Variants in DCC observed in about 807,000 individuals in gnomAD.
DCC encodes the protein netrin receptor DCC.
Under a neutral mutation model 172.5 loss-of-function variants are expected in DCC, and 58 were observed. That is an observed-to-expected ratio of 0.34 (90% CI 0.27 to 0.42). DCC has a LOEUF of 0.42. Among genes scored for constraint, DCC ranks in the 10% least tolerant of loss-of-function variants. DCC has a pLI of 1.00. For missense variants in DCC, 1,740 were observed against 1,791.0 expected (o/e 0.97, Z 0.51); for synonymous variants, 709 against 644.5 (o/e 1.10, Z -1.52).
At chr18:53,144,190 T>G (rs2043871834) in intron 7 of DCC, among the ~76,000 whole-genome samples, 1 of 152,234 alleles carries the variant, frequency 6.6e-6, no homozygotes, top group Non-Finnish European at 1.5e-5. Flanking sequence ...GTCATTCATA[T>G]TTCCATCTCC....
At chr18:53,440,319 T>G (rs1912191936) in intron 22 of DCC, among the ~76,000 whole-genome samples, 1 of 152,200 alleles carries the variant, frequency 6.6e-6, no homozygotes, top group Non-Finnish European at 1.5e-5. Context: ...AACCTCATAA[T>G]AGTATTTTAT....
Position 53,321,917 on chromosome 18 carries a change from A to G in DCC, c.2054-130A>G, listed in dbSNP as rs866764160. 9.5e-6 allele frequency: 7 copies of G among 735,192 alleles called. No homozygotes were observed. In the Middle Eastern group the frequency reaches 2.0e-3, roughly 212 times the overall value. 45.5% of individuals were successfully genotyped at this position (735,192 alleles called of 1,614,324 possible). ...TACCCTTTTAGTCAAAATAATCATT[A>G]CCACAACAGTCACAAACAATGTAAA... is the stretch of plus-strand genomic sequence containing the variant. On this transcript the variant is annotated intron_variant, in intron 13 of 28. Transcript: ENST00000442544.
chr18:52,915,617 T>A (rs189572424), intron 3 of DCC, among the ~76,000 whole-genome samples: 1 of 152,272 alleles, frequency 6.6e-6, no homozygotes, highest in East Asian at 1.9e-4. Context: ...AATAAATGTG[T>A]CAGGTTATAT....
chr18:53,162,939 T>A (rs4245256), intron 8 of DCC, among the ~76,000 whole-genome samples: 1 of 152,124 alleles, frequency 6.6e-6, no homozygotes, highest in African/African-American at 2.4e-5. Context: ...ACATTATAGA[T>A]ACTCACTAAA....
chr18:52,605,082 T>C (rs1371162573), intron 1 of DCC, among the ~76,000 whole-genome samples: 1 of 152,118 alleles, frequency 6.6e-6, no homozygotes, highest in Non-Finnish European at 1.5e-5. Flanking sequence ...TCATGGTCAC[T>C]GACTTGTCAG....
At chr18:52,366,927 G>A (rs1013924803) in intron 1 of DCC, among the ~76,000 whole-genome samples, 4 of 152,238 alleles carry the variant, frequency 2.6e-5, no homozygotes, top group African/African-American at 9.6e-5. Flanking sequence ...TTGGGTGGTC[G>A]ATGGGACTGG....
chr18:53,277,142 C>T (rs969941047), intron 12 of DCC, among the ~76,000 whole-genome samples: 2 of 152,048 alleles, frequency 1.3e-5, no homozygotes, highest in African/African-American at 4.8e-5. Flanking sequence ...ATTTTAATTT[C>T]TCTAAGATTA....
chr18:52,595,594 C>G (rs754362762), intron 1 of DCC, among the ~76,000 whole-genome samples: 10 of 152,314 alleles, frequency 6.6e-5, no homozygotes, highest in South Asian at 2.1e-4. Flanking sequence ...CTTACTACCC[C>G]TGTGTAACCC....
chr18:52,510,435 C>T (rs142820176), intron 1 of DCC, among the ~76,000 whole-genome samples: 29 of 152,306 alleles, frequency 1.9e-4, no homozygotes, highest in African/African-American at 7.0e-4. Flanking sequence ...CATGACACTG[C>T]TTGCCTTGCC....
intron 1 of DCC, among the ~76,000 whole-genome samples, chr18:52,544,759 T>C (rs2144710977): frequency 6.6e-6 from 1 of 152,344 alleles, no homozygotes; most frequent in East Asian, 1.9e-4. Context: ...GATAGATTGA[T>C]AGATATATCT....
chr18:52,824,967 C>CATATATATATATATATATATATATATAT (rs148347043), intron 2 of DCC, among the ~76,000 whole-genome samples: 4 of 148,282 alleles, frequency 2.7e-5, no homozygotes, highest in African/African-American at 9.9e-5. Context: ...GAGACTCCCT[C>CATATATATATATATATATATATATATAT]ATATATATAT....
intron 6 of DCC, among the ~76,000 whole-genome samples, chr18:53,065,639 A>G (rs2042555502): frequency 6.6e-6 from 1 of 152,202 alleles, no homozygotes; most frequent in South Asian, 2.1e-4. Context: ...ACCAGTATTT[A>G]TACCCTTTCT....
chr18:52,905,342 C>T (rs569356986), intron 2 of DCC, among the ~76,000 whole-genome samples: 53 of 152,148 alleles, frequency 3.5e-4, no homozygotes, highest in African/African-American at 1.2e-3. Flanking sequence ...TTTCATGGCC[C>T]AAAGAAATGA....
intron 25 of DCC, among the ~76,000 whole-genome samples, chr18:53,471,051 C>T (rs2045689899): frequency 6.6e-6 from 1 of 152,186 alleles, no homozygotes; most frequent in African/African-American, 2.4e-5. Context: ...TCTTTTCCAC[C>T]TTCACTGTTT....
At chr18:53,021,558 G>A (rs910964107) in intron 5 of DCC, among the ~76,000 whole-genome samples, 1 of 152,128 alleles carries the variant, frequency 6.6e-6, no homozygotes, top group Non-Finnish European at 1.5e-5. Flanking sequence ...ACTTACGTGT[G>A]TGTGTGTGTG....
intron 15 of DCC, among the ~76,000 whole-genome samples, chr18:53,376,184 G>T (rs1907271258): frequency 6.6e-6 from 1 of 152,060 alleles, no homozygotes; most frequent in South Asian, 2.1e-4. Flanking sequence ...TTGAGGTCAG[G>T]AGTTCGAGAA....
chr18:53,184,457 C>T (rs184773673), intron 9 of DCC, among the ~76,000 whole-genome samples: 5 of 151,982 alleles, frequency 3.3e-5, no homozygotes, highest in African/African-American at 1.2e-4. Context: ...CACCTAGGCT[C>T]TATGGTATAG....
At chr18:53,197,502 TA>T (rs2055463589) in intron 9 of DCC, among the ~76,000 whole-genome samples, 1 of 151,158 alleles carries the variant, frequency 6.6e-6, no homozygotes, top group African/African-American at 2.4e-5. Flanking sequence ...CACAGTCATT[TA>T]AAAAAGACTT....
At chr18:52,649,229 C>T (rs2035077393) in intron 1 of DCC, among the ~76,000 whole-genome samples, 1 of 151,962 alleles carries the variant, frequency 6.6e-6, no homozygotes, top group East Asian at 1.9e-4. Flanking sequence ...AAAAATTAGC[C>T]AGGCGTGGTG....
Sources: gnomAD v4.1 joint callset for allele counts (sites outside exome capture counted in the v4.1 genomes callset) on GRCh38, gnomAD v4.1.1 for gene constraint, MANE v1.5 for transcripts, NCBI Gene and HGNC (gene_info 2026-07-23, HGNC 2026-07-21) for gene names.